ASTN2: variants seen among roughly 807,000 people sequenced by gnomAD.
ASTN2 encodes astrotactin 2.
ASTN2 carries 54 observed loss-of-function variants against 139.8 expected under a neutral mutation model. The observed-to-expected ratio is 0.39, with a 90% CI of 0.31 to 0.48. ASTN2 has a LOEUF of 0.48. ASTN2 is among the 20% of genes least tolerant of loss of function. The pLI is 0.95. For missense variants in ASTN2, 1,565 were observed against 1,725.1 expected, an observed-to-expected ratio of 0.91 and a Z score of 1.64; for synonymous variants, 756 against 719.5, an observed-to-expected ratio of 1.05 and a Z score of -0.81.
At chr9:117,380,597 C>CAAA (rs1199618121) in intron 1 of ASTN2, among the ~76,000 whole-genome samples, 5 of 92,640 alleles carry the variant, frequency 5.4e-5, no homozygotes, top group Admixed American at 1.2e-4. Flanking sequence ...GAGCAAGACT[C>CAAA]AAAAAAAAAA....
chr9:116,726,706 T>C (rs1046230140), intron 15 of ASTN2, among the ~76,000 whole-genome samples: 3 of 151,970 alleles, frequency 2.0e-5, no homozygotes, highest in Admixed American at 1.3e-4. Context: ...TATTTCTTAG[T>C]CCTAGGCTAA....
intron 10 of ASTN2, among the ~76,000 whole-genome samples, chr9:116,918,015 C>T (rs896299060): frequency 3.3e-5 from 5 of 152,230 alleles, no homozygotes; most frequent in Admixed American, 6.5e-5. Flanking sequence ...ATAAGTCTCA[C>T]GAGATCTGAT....
At chr9:117,338,917 T>TC (rs1457146692) in intron 1 of ASTN2, among the ~76,000 whole-genome samples, 4 of 152,056 alleles carry the variant, frequency 2.6e-5, no homozygotes, top group Non-Finnish European at 5.9e-5. Flanking sequence ...GTAATTTTAG[T>TC]CCCCCAGCTT....
intron 10 of ASTN2, among the ~76,000 whole-genome samples, chr9:116,867,638 T>TG (rs1282706364): frequency 4.3e-5 from 6 of 139,196 alleles, no homozygotes; most frequent in African/African-American, 1.6e-4. Context: ...GAAAGGGAAG[T>TG]GAAAAACAAG....
At chr9:116,469,098 T>TGA (rs1454631241) in intron 20 of ASTN2, among the ~76,000 whole-genome samples, 2 of 152,212 alleles carry the variant, frequency 1.3e-5, no homozygotes, top group Non-Finnish European at 2.9e-5. Context: ...GCAGAGACAA[T>TGA]GTCTCGTTCA....
chr9:117,029,296 C>A (rs573922073), intron 6 of ASTN2, among the ~76,000 whole-genome samples: 1 of 152,288 alleles, frequency 6.6e-6, no homozygotes, highest in Non-Finnish European at 1.5e-5. Flanking sequence ...AGTGTTATTG[C>A]AACCATTGGG....
chr9:116,544,274 G>A (rs150171001), intron 19 of ASTN2, among the ~76,000 whole-genome samples: 159 of 152,194 alleles, frequency 1.0e-3, no homozygotes, highest in African/African-American at 3.7e-3. Context: ...CAGATATTTG[G>A]GGGAGGAGAT....
intron 17 of ASTN2, among the ~76,000 whole-genome samples, chr9:116,641,898 C>T (rs1019667180): frequency 1.3e-5 from 2 of 151,848 alleles, no homozygotes; most frequent in South Asian, 2.1e-4. Context: ...GATTCTTGGC[C>T]GGTTCACCTC....
At chr9:117,087,209 T>C (rs1214500023) in intron 5 of ASTN2, among the ~76,000 whole-genome samples, 1 of 142,534 alleles carries the variant, frequency 7.0e-6, no homozygotes, top group Non-Finnish European at 1.5e-5. Context: ...TCCTTTTTCA[T>C]TTTTTTCTTT....
intron 16 of ASTN2, among the ~76,000 whole-genome samples, chr9:116,723,767 A>G (rs1211067363): frequency 2.6e-5 from 4 of 152,230 alleles, no homozygotes; most frequent in African/African-American, 9.6e-5. Context: ...AGGGGAAGAA[A>G]CACACACAGA....
At chr9:116,859,563 T>G (rs945263597) in intron 11 of ASTN2, among the ~76,000 whole-genome samples, 3 of 152,214 alleles carry the variant, frequency 2.0e-5, no homozygotes, top group African/African-American at 7.2e-5. Context: ...TTCCCTTGTA[T>G]CCACAAAGAA....
chr9:117,141,205 AAAGTGGC>A, intron 4 of ASTN2, 114 bp downstream of exon 4: 1 of 1,076,660 alleles, frequency 9.3e-7, no homozygotes, highest in Non-Finnish European at 1.2e-6. Flanking sequence ...TATCAGGGAG[AAAGTGGC>A]ACAAGTTTTA....
In ASTN2 at chr9:116,425,980, G is replaced by T. The variant is rs761740109; in HGVS notation, c.3891C>A (p.Phe1297Leu). Reference protein sequence around the residue: ...QSRVETVPYLFCRSEEVRPAG... With the variant: ...QSRVETVPYLLCRSEEVRPAG... ...CAGGCCGGACCTCCTCGCTGCGGCA[G>T]AAAAGATAGGGCACTGTTTCCACGC... is the stretch of plus-strand genomic sequence containing the variant. Residue 1297 changes from phenylalanine (F) to leucine (L), a missense_variant, in exon 23 of 23, where the codon TTC becomes TTA. By Grantham distance (22) the Phe-to-Leu change is conservative. Coordinates refer to ENST00000313400, the MANE Select transcript of ASTN2 (RefSeq NM_001365068.1). The T allele has an allele frequency of 1.2e-6, 2 of 1,614,174 alleles. No homozygotes were observed. The highest frequency in any genetic ancestry group is 3.3e-5 in the Admixed American group (2 of 60,028).
chr9:117,050,397 C>G (rs957408906), intron 5 of ASTN2, among the ~76,000 whole-genome samples: 1 of 152,054 alleles, frequency 6.6e-6, no homozygotes, highest in Non-Finnish European at 1.5e-5. Context: ...TTAGTATTTA[C>G]TAGGCCTCCT....
chr9:116,996,625 T>C (rs1416320962), intron 7 of ASTN2, among the ~76,000 whole-genome samples: 2 of 152,006 alleles, frequency 1.3e-5, no homozygotes, highest in Non-Finnish European at 2.9e-5. Context: ...GAACAGATTG[T>C]CCCATGCAGA....
At chr9:117,061,407 CA>C (rs1360764355) in intron 5 of ASTN2, among the ~76,000 whole-genome samples, 3 of 42,094 alleles carry the variant, frequency 7.1e-5, no homozygotes, top group Admixed American at 5.5e-4. Flanking sequence ...TTTTTTCCTC[CA>C]TTTTTTTTAA....
At chr9:116,579,885 G>A (rs1041005630) in intron 19 of ASTN2, among the ~76,000 whole-genome samples, 5 of 151,972 alleles carry the variant, frequency 3.3e-5, no homozygotes, top group African/African-American at 7.2e-5. Context: ...GCAGTGGCGC[G>A]ATCTCTGCTC....
intron 9 of ASTN2, 65 bp from the exon 10 acceptor site, chr9:116,975,410 C>G: frequency 6.8e-7 from 1 of 1,476,686 alleles, no homozygotes; most frequent in Non-Finnish European, 9.0e-7. Flanking sequence ...AAAAAAGGGG[C>G]CCCTGTTCCC....
chr9:116,676,625 G>A (rs1859517788), intron 16 of ASTN2, among the ~76,000 whole-genome samples: 1 of 152,184 alleles, frequency 6.6e-6, no homozygotes, highest in African/African-American at 2.4e-5. Context: ...GTCATAGTTA[G>A]CCATAAAAAT....
Sources: allele counts gnomAD v4.1 joint callset (sites outside exome capture counted in the v4.1 genomes callset), GRCh38; gene constraint gnomAD v4.1.1; transcripts MANE v1.5; gene names NCBI Gene and HGNC (gene_info 2026-07-23, HGNC 2026-07-21).